The following KIF16B variants were observed in gnomAD, a reference collection of about 807,000 sequenced individuals.
The protein encoded by KIF16B is kinesin family member 16B.
A neutral mutation model predicts 156.3 loss-of-function variants in KIF16B; 98 were observed. The ratio of observed to expected loss-of-function variants is 0.63; its 90% CI spans 0.53 to 0.74. The LOEUF (loss-of-function observed/expected upper bound fraction) is 0.74. KIF16B is among the 30% of genes least tolerant of loss of function. The pLI, the probability that KIF16B is intolerant of heterozygous loss-of-function variation, is 0.00. For synonymous variants in KIF16B, 564 were observed against 583.7 expected (o/e 0.97, Z 0.49); for missense variants, 1,421 against 1,606.5 (o/e 0.88, Z 1.97).
At position 16,379,550 on chromosome 20, in the gene KIF16B, A is replaced by ACTC; in HGVS notation, c.2449_2451dup (p.Glu817dup). On this transcript the variant is annotated inframe_insertion, in exon 19 of 26. Coordinates refer to ENST00000354981, the MANE Select transcript of KIF16B (RefSeq NM_024704.5). Reference sequence around the variant, plus strand: ...AAGAAACGCAGTTGAGCCTTTTCTAACTCCTCGCCATCTTCATCCCCTCCG... The same window carrying ACTC: ...AAGAAACGCAGTTGAGCCTTTTCTAACTCCTCCTCGCCATCTTCATCCCCTCCG... 1 of 1,613,750 alleles carries ACTC rather than the reference A, an allele frequency of 6.2e-7. No homozygotes were observed. The highest frequency in any genetic ancestry group is 8.5e-7 in the Non-Finnish European group (1 of 1,179,954).
At chr20:16,565,109 T>C (rs2071205293) in intron 1 of KIF16B, among the ~76,000 whole-genome samples, 1 of 152,222 alleles carries the variant, frequency 6.6e-6, no homozygotes. Context: ...TATTTATTTA[T>C]TTCATCTGAT....
rs1265841403 is a variant in KIF16B at position 16,273,064 on chromosome 20, A to G, written c.*189T>C. 9 of 595,534 alleles carry G rather than the reference A, an allele frequency of 1.5e-5. No individual in the cohort carries two copies. The highest frequency in any genetic ancestry group is 5.8e-5 in the Admixed American group (2 of 34,242). 36.9% of individuals were successfully genotyped at this position (595,534 alleles called of 1,614,324 possible). ...GGCTGCCTGTCAGGGCCACATCAGC[A>G]GGCAGAGCATCCCATCCCCAAACTC... On this transcript the variant is annotated 3_prime_UTR_variant, in exon 26 of 26. Coordinates refer to ENST00000354981, the MANE Select transcript of KIF16B (RefSeq NM_024704.5).
intron 17 of KIF16B, among the ~76,000 whole-genome samples, chr20:16,389,566 A>ACTACCAT (rs2065313170): frequency 6.6e-6 from 1 of 152,140 alleles, no homozygotes; most frequent in African/African-American, 2.4e-5. Context: ...TTTTCACCAC[A>ACTACCAT]CTACCATCCC....
At chr20:16,375,743 G>C (rs1449761955) in intron 19 of KIF16B, among the ~76,000 whole-genome samples, 1 of 151,260 alleles carries the variant, frequency 6.6e-6, no homozygotes, top group African/African-American at 2.4e-5. Flanking sequence ...TTACAGTTAA[G>C]AAAACTCCTG....
At chr20:16,281,127 T>C (rs1324117984) in intron 25 of KIF16B, among the ~76,000 whole-genome samples, 1 of 152,230 alleles carries the variant, frequency 6.6e-6, no homozygotes, top group Non-Finnish European at 1.5e-5. Context: ...TGAGGTCCTC[T>C]TTATTTTACA....
chr20:16,394,433 A>G (rs1397546753), intron 17 of KIF16B, among the ~76,000 whole-genome samples: 1 of 152,226 alleles, frequency 6.6e-6, no homozygotes, highest in Non-Finnish European at 1.5e-5. Flanking sequence ...AGTTGCTTTC[A>G]TCACATGTTC....
chr20:16,410,090 G>C (rs1392547910), intron 15 of KIF16B, among the ~76,000 whole-genome samples: 3 of 96,698 alleles, frequency 3.1e-5, no homozygotes. Flanking sequence ...TATATATGTA[G>C]GTACATATAT....
rs142808236 is a variant in KIF16B, at chr20:16,333,553, T to C, written c.3711+2373A>G. On this transcript the variant is annotated intron_variant, in intron 24 of 25. Coordinates refer to ENST00000354981, the MANE Select transcript of KIF16B (RefSeq NM_024704.5). The stretch of plus-strand genomic sequence containing the variant: ...CTTCATTTGAAGGTTTTTTAAAACA[T>C]GTTTGTAATACACCCTTTTTCCTCT... 2.9e-4 allele frequency among the ~76,000 whole-genome samples: 44 copies of C among 152,354 alleles called. No homozygotes were observed. In the East Asian group the frequency reaches 8.5e-3, roughly 29 times the overall value.
intron 1 of KIF16B, among the ~76,000 whole-genome samples, chr20:16,560,126 T>C (rs960744891): frequency 6.6e-6 from 1 of 152,176 alleles, no homozygotes; most frequent in Non-Finnish European, 1.5e-5. Flanking sequence ...AATCATCACA[T>C]GTGAGCACCA....
intron 12 of KIF16B, among the ~76,000 whole-genome samples, chr20:16,445,634 T>C (rs2066912570): frequency 1.3e-5 from 2 of 152,172 alleles, no homozygotes; most frequent in Admixed American, 1.3e-4. Context: ...AATCAGGTTT[T>C]TGTCCAGGTC....
intron 17 of KIF16B, among the ~76,000 whole-genome samples, chr20:16,389,199 A>G (rs1197199392): frequency 1.3e-5 from 2 of 152,046 alleles, no homozygotes; most frequent in East Asian, 3.9e-4. Context: ...AAATATAGGG[A>G]TTACTTCATG....
In KIF16B at chr20:16,428,975, A is replaced by T. The variant is rs376725829; in HGVS notation, c.1452T>A (p.Asp484Glu). 2.5e-6 allele frequency: 4 copies of T among 1,613,486 alleles called. No individual in the cohort carries two copies. Among genetic ancestry groups the T allele is most frequent in the Admixed American group, 1.7e-5 (1 of 59,974 alleles). Residue 484 changes from aspartate to glutamate, a missense_variant, in exon 14 of 26, where the codon GAT (aspartate) becomes GAA (glutamate). Physicochemically the swap from Asp to Glu is conservative, Grantham distance 45 (BLOSUM62 2). Coordinates refer to ENST00000354981, the MANE Select transcript of KIF16B (RefSeq NM_024704.5). The stretch of plus-strand genomic sequence containing the variant: ...CACCAATATCTTGCTCCGTGGAAGC[A>T]TCGTCTCTACCAACGTATGTCTGAC... Reference protein sequence around the residue: ...KEGQTYVGRDDASTEQDIVLH... With the variant: ...KEGQTYVGRDEASTEQDIVLH...
chr20:16,548,229 G>C (rs2070487400), intron 1 of KIF16B, among the ~76,000 whole-genome samples: 1 of 152,216 alleles, frequency 6.6e-6, no homozygotes, highest in East Asian at 1.9e-4. Context: ...ATGAGGATGA[G>C]TCTTGCCTGC....
chr20:16,365,484 C>A (rs2064643859), intron 22 of KIF16B, among the ~76,000 whole-genome samples: 1 of 152,148 alleles, frequency 6.6e-6, no homozygotes, highest in Non-Finnish European at 1.5e-5. Flanking sequence ...CCTCAAAAAA[C>A]CAAATGCCTC....
At chr20:16,425,102 C>A (rs143309892) in intron 15 of KIF16B, among the ~76,000 whole-genome samples, 11 of 152,238 alleles carry the variant, frequency 7.2e-5, no homozygotes, top group African/African-American at 2.6e-4. Context: ...GCAATGAACA[C>A]ACCTGGTTGC....
At chr20:16,553,353 C>T (rs1465009405) in intron 1 of KIF16B, among the ~76,000 whole-genome samples, 2 of 152,174 alleles carry the variant, frequency 1.3e-5, no homozygotes, top group African/African-American at 4.8e-5. Context: ...GCCTTGAATG[C>T]AACATTATTA....
At chr20:16,360,218 C>G (rs896513150) in intron 22 of KIF16B, among the ~76,000 whole-genome samples, 1 of 152,022 alleles carries the variant, frequency 6.6e-6, no homozygotes, top group African/African-American at 2.4e-5. Flanking sequence ...ATTCTTGACA[C>G]TCTCCTAAAC....
At chr20:16,469,202 A>C (rs958292378) in intron 12 of KIF16B, among the ~76,000 whole-genome samples, 35 of 139,978 alleles carry the variant, frequency 2.5e-4, no homozygotes, top group Non-Finnish European at 4.6e-4. Context: ...CCGTGAGCTT[A>C]TGATGGTGCC....
At chr20:16,366,541 G>T (rs1358510917) in intron 22 of KIF16B, among the ~76,000 whole-genome samples, 1 of 152,174 alleles carries the variant, frequency 6.6e-6, no homozygotes, top group Middle Eastern at 3.2e-3. Context: ...CAAGAAGTAT[G>T]AAAGGAGGAA....
Sources: allele counts gnomAD v4.1 joint callset (sites outside exome capture counted in the v4.1 genomes callset), GRCh38; gene constraint gnomAD v4.1.1; transcripts MANE v1.5; gene names NCBI Gene and HGNC (gene_info 2026-07-23, HGNC 2026-07-21).